Variants in IQCM observed in about 807,000 individuals in gnomAD.
The protein encoded by IQCM is IQ motif containing M.
In IQCM, 45 loss-of-function variants were observed where a neutral mutation model predicts 57.6. The ratio of observed to expected loss-of-function variants is 0.78; its 90% CI spans 0.62 to 1.00. The LOEUF (loss-of-function observed/expected upper bound fraction) is 1.00, where lower values mean the gene tolerates loss of function less well. Ranked by LOEUF, IQCM falls within the 50% of genes least tolerant of loss-of-function variation. IQCM has a pLI of 0.00. For synonymous variants in IQCM, 148 were observed against 158.9 expected, an observed-to-expected ratio of 0.93 and a Z score of 0.51; for missense variants, 468 against 511.6, an observed-to-expected ratio of 0.91 and a Z score of 0.82.
At chr4:149,810,218 G>A (rs1013611815) in intron 2 of IQCM, among the ~76,000 whole-genome samples, 4 of 151,654 alleles carry the variant, frequency 2.6e-5, no homozygotes, top group Non-Finnish European at 5.9e-5. Flanking sequence ...AACCCATCAT[G>A]GGGCACAGTG....
chr4:149,726,707 A>G (rs1401506927), intron 5 of IQCM, among the ~76,000 whole-genome samples: 1 of 152,208 alleles, frequency 6.6e-6, no homozygotes, highest in Non-Finnish European at 1.5e-5. Context: ...GCATCACTAT[A>G]AGTAAAATAT....
Position 149,388,601 on chromosome 4 carries a change from C to T in IQCM, c.1391-36535G>A, listed in dbSNP as rs868551434. ...ATATATACATATATACATATATACACATATATAGGCAAAGAATATATATAT... is the reference window on the plus strand; with the variant it reads ...ATATATACATATATACATATATACATATATATAGGCAAAGAATATATATAT... On this transcript the variant is annotated intron_variant, in intron 13 of 13. Transcript: ENST00000636793. Among the ~76,000 whole-genome samples the T allele has an allele frequency of 2.5e-4, 34 of 137,536 alleles. No individual in the cohort carries two copies. In the South Asian group the frequency reaches 4.0e-3, roughly 16 times the overall value. 90.2% of individuals were successfully genotyped at this position (137,536 alleles called of 152,430 possible). A position where few individuals can be genotyped will look rare whatever the true frequency, so the allele number is the denominator to read the frequency against.
Position 149,757,482 on chromosome 4 carries a change from A to G in IQCM, c.-48-14743T>C, listed in dbSNP as rs1769089594. Among the ~76,000 whole-genome samples, 4 of 152,150 alleles carry G rather than the reference A, an allele frequency of 2.6e-5. No homozygotes were observed. The South Asian group carries it at 8.3e-4, about 32-fold the overall frequency. Reference sequence around the variant, plus strand: ...AACCAAAGAACATAGAAAGGGTGAAAATTCCCAAGAAAATAAATACCAAGA... The same window carrying G: ...AACCAAAGAACATAGAAAGGGTGAAGATTCCCAAGAAAATAAATACCAAGA... On this transcript the variant is annotated intron_variant, in intron 2 of 13. Transcript: ENST00000636793.
At chr4:149,622,644 G>C (rs1756452771) in intron 7 of IQCM, among the ~76,000 whole-genome samples, 1 of 152,184 alleles carries the variant, frequency 6.6e-6, no homozygotes, top group Non-Finnish European at 1.5e-5. Flanking sequence ...TACCTAAGAA[G>C]AAGATAGCAA....
At chr4:149,806,000 A>G (rs187562220) in intron 2 of IQCM, among the ~76,000 whole-genome samples, 1 of 151,948 alleles carries the variant, frequency 6.6e-6, no homozygotes, top group Non-Finnish European at 1.5e-5. Flanking sequence ...AGCTTGGAGA[A>G]ATATAATTGG....
At chr4:149,522,379 A>G (rs1266592389) in intron 12 of IQCM, among the ~76,000 whole-genome samples, 1 of 152,322 alleles carries the variant, frequency 6.6e-6, no homozygotes, top group African/African-American at 2.4e-5. Context: ...AAGAAGAAAC[A>G]GAACACCCAA....
At chr4:149,387,122 C>A (rs1010885490) in intron 13 of IQCM, among the ~76,000 whole-genome samples, 1 of 151,978 alleles carries the variant, frequency 6.6e-6, no homozygotes, top group Admixed American at 6.6e-5. Context: ...CAGTTCAACA[C>A]GGGGAAGTCC....
At chr4:149,782,169 C>G (rs765071910) in intron 2 of IQCM, among the ~76,000 whole-genome samples, 6 of 151,922 alleles carry the variant, frequency 3.9e-5, no homozygotes, top group Non-Finnish European at 5.9e-5. Context: ...AAAAATTTAC[C>G]CATTCTGCCC....
At chr4:149,432,163 G>A (rs1176532283) in intron 13 of IQCM, among the ~76,000 whole-genome samples, 3 of 151,682 alleles carry the variant, frequency 2.0e-5, no homozygotes, top group African/African-American at 7.3e-5. Context: ...GTATTATTTT[G>A]CATCTCCACC....
At chr4:149,712,569 C>G (rs151196637) in intron 5 of IQCM, among the ~76,000 whole-genome samples, 1 of 152,118 alleles carries the variant, frequency 6.6e-6, no homozygotes, top group Non-Finnish European at 1.5e-5. Context: ...TCTCAAGAAG[C>G]CTACTGTTTT....
chr4:149,385,568 C>G (rs183238656), intron 13 of IQCM, among the ~76,000 whole-genome samples: 25 of 152,160 alleles, frequency 1.6e-4, no homozygotes, highest in Non-Finnish European at 2.9e-4. Context: ...AAATACAGAT[C>G]CATCTATCCA....
At chr4:149,744,359 T>C in intron 2 of IQCM, among the ~76,000 whole-genome samples, 1 of 152,216 alleles carries the variant, frequency 6.6e-6, no homozygotes, top group East Asian at 1.9e-4. Flanking sequence ...AACTACACTG[T>C]CTTCTTTAAG....
At chr4:149,602,050 A>C (rs920224061) in intron 8 of IQCM, among the ~76,000 whole-genome samples, 1 of 151,534 alleles carries the variant, frequency 6.6e-6, no homozygotes, top group African/African-American at 2.4e-5. Flanking sequence ...AAAAAAAAAA[A>C]AAAAAGAAAA....
At chr4:149,662,445 C>T (rs894425738) in intron 7 of IQCM, among the ~76,000 whole-genome samples, 10 of 151,956 alleles carry the variant, frequency 6.6e-5, no homozygotes, top group African/African-American at 2.2e-4. Flanking sequence ...GTCTATAGTG[C>T]AGTTTAAGTC....
intron 12 of IQCM, among the ~76,000 whole-genome samples, chr4:149,546,080 G>A (rs926798640): frequency 3.9e-5 from 6 of 152,094 alleles, no homozygotes; most frequent in African/African-American, 1.2e-4. Flanking sequence ...TTGGTTTTTT[G>A]TCCTTGTGAT....
At chr4:149,689,160 A>AAATGCCCAT (rs1294774813) in intron 5 of IQCM, among the ~76,000 whole-genome samples, 1 of 152,084 alleles carries the variant, frequency 6.6e-6, no homozygotes. Context: ...GAACCAACCC[A>AAATGCCCAT]AATGCCCATC....
chr4:149,468,034 GC>G (rs1739054536), intron 12 of IQCM, among the ~76,000 whole-genome samples: 1 of 152,130 alleles, frequency 6.6e-6, no homozygotes, highest in Non-Finnish European at 1.5e-5. Flanking sequence ...CTCCAAGATG[GC>G]CGAATAGGAA....
chr4:149,385,042 G>C (rs374294860), intron 13 of IQCM, among the ~76,000 whole-genome samples: 41 of 152,130 alleles, frequency 2.7e-4, no homozygotes, highest in African/African-American at 8.9e-4. Context: ...ATGATGAGGT[G>C]GGGGAGAGTT....
intron 7 of IQCM, among the ~76,000 whole-genome samples, chr4:149,631,081 G>A (rs1307110555): frequency 1.3e-5 from 2 of 152,188 alleles, no homozygotes; most frequent in Non-Finnish European, 2.9e-5. Flanking sequence ...ATGCTAGGCA[G>A]AGTATGCCTA....
Sources: allele counts gnomAD v4.1 joint callset (sites outside exome capture counted in the v4.1 genomes callset), GRCh38; gene constraint gnomAD v4.1.1; transcripts MANE v1.5; gene names NCBI Gene and HGNC (gene_info 2026-07-23, HGNC 2026-07-21).